The following MAP3K5 variants were observed in gnomAD, a reference collection of about 807,000 sequenced individuals.
MAP3K5 encodes mitogen-activated protein kinase kinase kinase 5.
Under a neutral mutation model 158.7 loss-of-function variants are expected in MAP3K5, and 56 were observed. The observed-to-expected ratio is 0.35, with a 90% confidence interval of 0.28 to 0.44. The LOEUF is 0.44. MAP3K5 is among the 20% of genes least tolerant of loss of function. The pLI, the probability that MAP3K5 is intolerant of heterozygous loss-of-function variation, is 1.00. For missense variants in MAP3K5, 1,294 were observed against 1,674.8 expected, an observed-to-expected ratio of 0.77 and a Z score of 3.97; for synonymous variants, 579 against 601.7, an observed-to-expected ratio of 0.96 and a Z score of 0.55.
At chr6:136,743,699 T>TG (rs1782812298) in intron 1 of MAP3K5, among the ~76,000 whole-genome samples, 1 of 152,230 alleles carries the variant, frequency 6.6e-6, no homozygotes, top group African/African-American at 2.4e-5. Flanking sequence ...TTTACCCAAA[T>TG]GAAGTGAATT....
intron 1 of MAP3K5, among the ~76,000 whole-genome samples, chr6:136,773,485 A>C (rs948837807): frequency 6.6e-6 from 1 of 152,126 alleles, no homozygotes; most frequent in Non-Finnish European, 1.5e-5. Flanking sequence ...ATTCAACTTC[A>C]CTGACCTTCG....
chr6:136,774,089 A>G (rs1784315680), intron 1 of MAP3K5, among the ~76,000 whole-genome samples: 2 of 152,300 alleles, frequency 1.3e-5, no homozygotes. Flanking sequence ...TAAGTGCTCA[A>G]TAAATGTTAG....
chr6:136,583,800 A>C (rs1774994453), intron 23 of MAP3K5, 60 bp from the exon 24 acceptor site: 6 of 1,488,746 alleles, frequency 4.0e-6, no homozygotes, highest in Middle Eastern at 1.7e-4. Flanking sequence ...TGCCATGGTA[A>C]TCCTATCTCC....
intron 5 of MAP3K5, among the ~76,000 whole-genome samples, 191 bp downstream of exon 5, chr6:136,697,028 C>A (rs1291240594): frequency 6.6e-6 from 1 of 152,196 alleles, no homozygotes; most frequent in East Asian, 1.9e-4. Context: ...CTTTCACAAT[C>A]ACTGATGGTT....
rs151196990 is a variant in MAP3K5, at chr6:136,695,065, G to T, written c.1083-755C>A. Among the ~76,000 whole-genome samples, 463 of 151,952 alleles carry T rather than the reference G, an allele frequency of 3.0e-3. 5 individuals are homozygous for T. Among genetic ancestry groups the T allele is most frequent in the African/African-American group, 0.011 (437 of 41,422 alleles). ...GGATTTGGGAGGGAAATGGAAGGGG[G>T]GCTGCTAATGGGTACAGGGTTTCCT... On this transcript the variant is annotated intron_variant, in intron 6 of 29. Coordinates refer to ENST00000359015, the MANE Select transcript of MAP3K5 (RefSeq NM_005923.4).
At chr6:136,789,166 C>A (rs1420806988) in intron 1 of MAP3K5, among the ~76,000 whole-genome samples, 3 of 152,000 alleles carry the variant, frequency 2.0e-5, no homozygotes, top group African/African-American at 4.8e-5. Flanking sequence ...TAAAATTAGC[C>A]CAGCGTGGTG....
chr6:136,662,854 T>C (rs1779064992), intron 8 of MAP3K5, among the ~76,000 whole-genome samples: 1 of 152,252 alleles, frequency 6.6e-6, no homozygotes, highest in Admixed American at 6.5e-5. Flanking sequence ...ATGAGCAGTA[T>C]GTCATTGCTG....
rs1008933608 is a variant in MAP3K5, at chr6:136,679,876, T to C, written c.1254-10481A>G. On this transcript the variant is annotated intron_variant, in intron 7 of 29. Coordinates refer to ENST00000359015, the MANE Select transcript of MAP3K5 (RefSeq NM_005923.4). ...ATGTTTAAAGTAGCATCATTTACAA[T>C]AGCCAAAAAAGTTGGAAACGATTTA... Among the ~76,000 whole-genome samples the C allele has an allele frequency of 1.3e-5, 2 of 152,132 alleles. 1 individual carries two copies.
Position 136,775,191 on chromosome 6 carries a change from A to G in MAP3K5, c.448+16519T>C, listed in dbSNP as rs1204588175. Among the ~76,000 whole-genome samples the G allele has an allele frequency of 2.0e-5, 3 of 152,244 alleles. No individual in the cohort carries two copies. In the South Asian group the frequency reaches 6.2e-4, roughly 31 times the overall value. ...GTTCCAAGATTATTCATACCTTAAA[A>G]GAAAAAGAATGCTAAGGTCAAGCTT... On this transcript the variant is annotated intron_variant, in intron 1 of 29. Coordinates refer to ENST00000359015, the MANE Select transcript of MAP3K5 (RefSeq NM_005923.4).
chr6:136,764,007 C>T (rs1017983936), intron 1 of MAP3K5, among the ~76,000 whole-genome samples: 3 of 152,202 alleles, frequency 2.0e-5, no homozygotes. Flanking sequence ...ACCTCCAGAA[C>T]AGTACAAAAT....
chr6:136,576,794 A>G (rs922728892), intron 25 of MAP3K5, among the ~76,000 whole-genome samples: 3 of 152,212 alleles, frequency 2.0e-5, no homozygotes, highest in Admixed American at 6.5e-5. Flanking sequence ...TGGATCGCAT[A>G]TATTACAGTG....
At chr6:136,715,898 C>T (rs1345574048) in intron 2 of MAP3K5, among the ~76,000 whole-genome samples, 2 of 151,502 alleles carry the variant, frequency 1.3e-5, no homozygotes, top group Admixed American at 6.6e-5. Flanking sequence ...GGCGTGGTGG[C>T]GGGAGCCTGT....
At chr6:136,755,691 A>G (rs34983851) in intron 1 of MAP3K5, among the ~76,000 whole-genome samples, 49,870 of 142,486 alleles carry the variant, frequency 0.35, 10,100 homozygotes, top group Middle Eastern at 0.48. Context: ...TCTGTCTCCA[A>G]AAAAAAAAAA....
At chr6:136,604,514 T>C (rs1776019963) in intron 19 of MAP3K5, among the ~76,000 whole-genome samples, 1 of 152,128 alleles carries the variant, frequency 6.6e-6, no homozygotes. Context: ...ATTTCAAACT[T>C]CCTGTTGGCC....
chr6:136,643,351 A>AT (rs1279803219), intron 11 of MAP3K5, among the ~76,000 whole-genome samples: 1 of 152,242 alleles, frequency 6.6e-6, no homozygotes, highest in Non-Finnish European at 1.5e-5. Context: ...TAGCATAAAT[A>AT]TTTTTACAGA....
rs745318446 is a variant in MAP3K5 at position 136,600,982 on chromosome 6, C to T, written c.2878+40G>A. The T allele has an allele frequency of 6.5e-5, 104 of 1,609,402 alleles. 2 individuals carry two copies. The South Asian group carries it at 1.1e-3, about 16-fold the overall frequency. Reference sequence around the variant, plus strand: ...AGTCTGGAGTTTATCACACCAGACACCAGGTCTCAGCTCAATGGGCAAAGT... The same window carrying T: ...AGTCTGGAGTTTATCACACCAGACATCAGGTCTCAGCTCAATGGGCAAAGT... On this transcript the variant is annotated intron_variant, in intron 21 of 29. Transcript: ENST00000359015.
At chr6:136,624,643 T>C (rs1247709246) in intron 14 of MAP3K5, among the ~76,000 whole-genome samples, 2 of 152,152 alleles carry the variant, frequency 1.3e-5, no homozygotes, top group Non-Finnish European at 2.9e-5. Flanking sequence ...CAGCCAAAAG[T>C]ATATTTTACT....
rs111738693 is a variant in MAP3K5 at position 136,649,311 on chromosome 6, A to C, written c.1788+1673T>G. On this transcript the variant is annotated intron_variant, in intron 11 of 29. Coordinates refer to ENST00000359015, the MANE Select transcript of MAP3K5 (RefSeq NM_005923.4). The stretch of plus-strand genomic sequence containing the variant: ...TTAAACCAGCTCCCTGGGTGACTCT[A>C]ATGCTGGTGTTCCAGGGAACCACAT... Among the ~76,000 whole-genome samples, 887 of 152,270 alleles carry C rather than the reference A, an allele frequency of 5.8e-3. 8 individuals are homozygous for C. Among genetic ancestry groups the C allele is most frequent in the African/African-American group, 0.02 (851 of 41,546 alleles).
intron 15 of MAP3K5, among the ~76,000 whole-genome samples, chr6:136,614,489 A>C (rs1341150193): frequency 6.6e-6 from 1 of 152,208 alleles, no homozygotes; most frequent in Non-Finnish European, 1.5e-5. Context: ...GTCAGGTACT[A>C]AGCCAGTTGT....
Sources: allele counts gnomAD v4.1 joint callset (sites outside exome capture counted in the v4.1 genomes callset), GRCh38; gene constraint gnomAD v4.1.1; transcripts MANE v1.5; gene names NCBI Gene and HGNC (gene_info 2026-07-23, HGNC 2026-07-21).